The following IP6K3 variants were observed in gnomAD, a reference collection of about 807,000 sequenced individuals.
IP6K3 encodes the protein ATP:1D-myo-inositol-hexakisphosphate phosphotransferase.
In IP6K3, 20 loss-of-function variants were observed where a neutral mutation model predicts 28.8. The observed-to-expected ratio is 0.70, with a 90% confidence interval of 0.49 to 1.01. The LOEUF (loss-of-function observed/expected upper bound fraction) is 1.01. IP6K3 is among the 50% of genes least tolerant of loss of function. The pLI, the probability that IP6K3 is intolerant of heterozygous loss-of-function variation, is 0.00. For synonymous variants in IP6K3, 213 were observed against 221.3 expected (o/e 0.96, Z 0.33); for missense variants, 480 against 537.1 (o/e 0.89, Z 1.05).
chr6:33,755,654 T>C, the IP6K3 span, among the ~76,000 whole-genome samples: 1 of 152,224 alleles, frequency 6.6e-6, no homozygotes, highest in Non-Finnish European at 1.5e-5. Context: ...CCAAGCCCGA[T>C]GTACAGGCTG....
chr6:33,742,543 C>T lies in IP6K3; in HGVS notation c.-180+4215G>A, dbSNP rs1290777262. ...AGGGCCCTGGGTGAGGGCTCCCACC[C>T]GGGGGGCCTGCCAAGACCTTACCCA... On this transcript the variant is annotated intron_variant, in intron 1 of 5. Coordinates refer to ENST00000293756, the MANE Select transcript of IP6K3 (RefSeq NM_054111.5). The surrounding 1 kb of genome is among the most constrained non-coding windows in gnomAD (Gnocchi z 4.5). 1.3e-5 allele frequency among the ~76,000 whole-genome samples: 2 copies of T among 152,058 alleles called. No homozygotes were observed. The highest frequency in any genetic ancestry group is 4.8e-5 in the African/African-American group (2 of 41,388).
chr6:33,740,676 G>C (rs76959718), intron 1 of IP6K3, among the ~76,000 whole-genome samples: 1 of 152,248 alleles, frequency 6.6e-6, no homozygotes, highest in Admixed American at 6.5e-5. Context: ...AGCCGAGGCG[G>C]ATAAGGGCAT....
chr6:33,722,936 G>A lies in IP6K3; in HGVS notation c.1017C>T (p.Ala339=). 1.2e-6 allele frequency: 2 copies of A among 1,614,008 alleles called. No individual in the cohort carries two copies. The highest frequency in any genetic ancestry group is 1.1e-5 in the South Asian group (1 of 91,068). ...IYDGQEPPER[A]PGSPHPHEAP... Reference sequence around the variant, plus strand: ...CCTCGTGAGGATGCGGGCTGCCTGGGGCTCTTTCTGGTGGTTCCTGCCCAT... The same window carrying A: ...CCTCGTGAGGATGCGGGCTGCCTGGAGCTCTTTCTGGTGGTTCCTGCCCAT... Residue 339 remains alanine (A), a synonymous_variant, in exon 6 of 6, where the codon GCC becomes GCT. Coordinates refer to ENST00000293756, the MANE Select transcript of IP6K3 (RefSeq NM_054111.5).
chr6:33,756,241 A>T, the IP6K3 span, among the ~76,000 whole-genome samples: 2 of 152,170 alleles, frequency 1.3e-5, no homozygotes, highest in Non-Finnish European at 2.9e-5. Flanking sequence ...TGAATTAATG[A>T]TGGGGTGTAT....
At chr6:33,736,845 GATA>G (rs1766544705) in intron 1 of IP6K3, among the ~76,000 whole-genome samples, 1 of 152,198 alleles carries the variant, frequency 6.6e-6, no homozygotes, top group Non-Finnish European at 1.5e-5. Flanking sequence ...TGTAGAACAG[GATA>G]ATAATGATAC....
chr6:33,735,157 G>A (rs1001813420), intron 2 of IP6K3, 121 bp downstream of exon 2: 6 of 744,892 alleles, frequency 8.1e-6, no homozygotes, highest in Non-Finnish European at 1.3e-5. Flanking sequence ...CTGGGAGAGG[G>A]GCGCGTCTCT....
chr6:33,758,956 A>G, the IP6K3 span, among the ~76,000 whole-genome samples: 2 of 152,254 alleles, frequency 1.3e-5, no homozygotes, highest in African/African-American at 2.4e-5. Flanking sequence ...CTCAGCTAGA[A>G]TAATATTTAC....
chr6:33,731,759 G>A lies in IP6K3; in HGVS notation c.200-3459C>T, dbSNP rs1766330241. Among the ~76,000 whole-genome samples the A allele has an allele frequency of 2.0e-5, 3 of 152,212 alleles. No homozygotes were observed. In the South Asian group the frequency reaches 6.2e-4, roughly 32 times the overall value. ...ATCCAGGCTTCTCGGTGCTTGACCT[G>A]TTCAAGAGCCATGCAAGCTCCAGCC... On this transcript the variant is annotated intron_variant, in intron 2 of 5. Transcript: ENST00000293756.
chr6:33,748,111 A>T (rs1292783010), upstream of IP6K3, among the ~76,000 whole-genome samples: 1 of 151,970 alleles, frequency 6.6e-6, no homozygotes, highest in Non-Finnish European at 1.5e-5. Flanking sequence ...GCTGCTCCAT[A>T]TGTGGATGAG....
At chr6:33,739,702 C>T (rs1435084979) in intron 1 of IP6K3, among the ~76,000 whole-genome samples, 5 of 152,256 alleles carry the variant, frequency 3.3e-5, no homozygotes, top group Non-Finnish European at 7.3e-5. Flanking sequence ...TCAGCCCAGA[C>T]CTTCCTTTTG....
intron 1 of IP6K3, 74 bp from the exon 2 acceptor site, chr6:33,735,729 C>G (rs1366434782): frequency 1.3e-6 from 1 of 748,162 alleles, no homozygotes; most frequent in Non-Finnish European, 2.1e-6. Flanking sequence ...CTTGGAAGGG[C>G]CCACACAGCC....
At chr6:33,756,948 G>A in the IP6K3 span, among the ~76,000 whole-genome samples, 1 of 152,212 alleles carries the variant, frequency 6.6e-6, no homozygotes, top group Non-Finnish European at 1.5e-5. Context: ...TTCCCAGTAC[G>A]GGGGCCACAG....
intron 5 of IP6K3, among the ~76,000 whole-genome samples, chr6:33,725,194 ACT>A (rs1766051226): frequency 6.7e-6 from 1 of 148,442 alleles, no homozygotes; most frequent in Admixed American, 6.9e-5. Flanking sequence ...GTGCCACTGC[ACT>A]CCAGCCTGGG....
chr6:33,722,763 TCCAGGCCAAAAATATAG>T lies in IP6K3; in HGVS notation c.1173_1189del (p.Tyr392LysfsTer38). 1.2e-6 allele frequency: 2 copies of T among 1,613,746 alleles called. No individual in the cohort carries two copies. The highest frequency in any genetic ancestry group is 2.2e-5 in the South Asian group (2 of 91,048). ...ATCCTGCAGGATCCTGATGAGGTTT[TCCAGGCCAAAAATATAG>T]CCAGGGTCTGGTCCATCGTAGGTGG... is the stretch of plus-strand genomic sequence containing the variant. On this transcript the variant is annotated frameshift_variant, in exon 6 of 6. Transcript: ENST00000293756. LOFTEE classifies it high-confidence loss of function.
chr6:33,755,737 A>T, the IP6K3 span, among the ~76,000 whole-genome samples: 2 of 152,310 alleles, frequency 1.3e-5, no homozygotes, highest in South Asian at 4.1e-4. Context: ...CTCATTCCGC[A>T]CGCATGGCTG....
At chr6:33,731,402 G>C (rs1302397422) in intron 2 of IP6K3, among the ~76,000 whole-genome samples, 1 of 152,216 alleles carries the variant, frequency 6.6e-6, no homozygotes, top group Non-Finnish European at 1.5e-5. Flanking sequence ...ACTCCTCCAG[G>C]CTCCAGTACT....
chr6:33,748,379 C>T (rs551555703), upstream of IP6K3, among the ~76,000 whole-genome samples: 2 of 152,210 alleles, frequency 1.3e-5, no homozygotes, highest in Admixed American at 1.3e-4. Context: ...ATTCTCCTGG[C>T]CCTCACCCGC....
the IP6K3 span, among the ~76,000 whole-genome samples, chr6:33,752,944 T>A: frequency 6.6e-6 from 1 of 152,226 alleles, no homozygotes; most frequent in Non-Finnish European, 1.5e-5. Flanking sequence ...TGTTATTTTT[T>A]AATTTTTTTA....
chr6:33,723,909 T>C (rs940029741), intron 5 of IP6K3, among the ~76,000 whole-genome samples: 4 of 152,004 alleles, frequency 2.6e-5, no homozygotes, highest in African/African-American at 9.7e-5. Flanking sequence ...GAGATACTGA[T>C]GGGGGACAGT....
Sources: allele counts gnomAD v4.1 joint callset (sites outside exome capture counted in the v4.1 genomes callset), GRCh38; gene constraint gnomAD v4.1.1; non-coding constraint Gnocchi (gnomAD v3.1); transcripts MANE v1.5; gene names NCBI Gene and HGNC (gene_info 2026-07-23, HGNC 2026-07-21).